SH3D19: variants seen among roughly 807,000 people sequenced by gnomAD.
SH3D19 encodes the protein SH3 domain containing 19.
Under a neutral mutation model 112.1 loss-of-function variants are expected in SH3D19, and 58 were observed. That is an observed-to-expected ratio of 0.52 (90% CI 0.42 to 0.64). The LOEUF (loss-of-function observed/expected upper bound fraction) is 0.64. Among genes scored for constraint, SH3D19 ranks in the 30% least tolerant of loss-of-function variants. SH3D19 has a pLI of 0.00. For missense variants in SH3D19, 1,090 were observed against 1,263.4 expected, an observed-to-expected ratio of 0.86 and a Z score of 2.08; for synonymous variants, 391 against 448.5, an observed-to-expected ratio of 0.87 and a Z score of 1.62.
intron 2 of SH3D19, among the ~76,000 whole-genome samples, chr4:151,207,102 C>T (rs918796644): frequency 1.3e-5 from 2 of 152,292 alleles, no homozygotes; most frequent in Admixed American, 6.5e-5. Context: ...GGTAGGACCA[C>T]GTGGAAACCT....
intron 1 of SH3D19, chr4:151,283,411 G>A (rs1774436306): frequency 2.8e-6 from 2 of 724,668 alleles, no homozygotes; most frequent in South Asian, 3.7e-5. Context: ...TAACTCTTAT[G>A]TTACCCTGGA....
At chr4:151,289,107 A>T (rs1243659545) in intron 1 of SH3D19, among the ~76,000 whole-genome samples, 1 of 152,246 alleles carries the variant, frequency 6.6e-6, no homozygotes, top group East Asian at 1.9e-4. Flanking sequence ...TTATTTTTAA[A>T]CATTGGTATT....
intron 1 of SH3D19, among the ~76,000 whole-genome samples, chr4:151,260,523 T>C (rs936959935): frequency 6.6e-6 from 1 of 152,204 alleles, no homozygotes; most frequent in African/African-American, 2.4e-5. Flanking sequence ...AAAATATACT[T>C]TGACTCTAAC....
At chr4:151,309,708 G>A (rs1363141726) in intron 1 of SH3D19, among the ~76,000 whole-genome samples, 1 of 152,180 alleles carries the variant, frequency 6.6e-6, no homozygotes, top group Non-Finnish European at 1.5e-5. Context: ...GTCAGCCAGA[G>A]GCTGGGCATG....
At chr4:151,212,642 TG>T (rs1440871553) in intron 2 of SH3D19, among the ~76,000 whole-genome samples, 1 of 152,242 alleles carries the variant, frequency 6.6e-6, no homozygotes, top group Non-Finnish European at 1.5e-5. Flanking sequence ...ACAATGCACC[TG>T]GTCACCCAAG....
intron 8 of SH3D19, among the ~76,000 whole-genome samples, chr4:151,161,333 A>T (rs1757112619): frequency 6.6e-6 from 1 of 152,140 alleles, no homozygotes; most frequent in Non-Finnish European, 1.5e-5. Context: ...TTTTCCCTTG[A>T]CCATTCCAAA....
intron 12 of SH3D19, chr4:151,140,173 T>A: frequency 4.9e-6 from 1 of 204,722 alleles, no homozygotes; most frequent in Non-Finnish European, 9.8e-6. Context: ...AAAGTAGTGG[T>A]TTTTGACCTC....
At chr4:151,140,325 C>T (rs1464579610) in intron 12 of SH3D19, 2 of 152,638 alleles carry the variant, frequency 1.3e-5, no homozygotes, top group Non-Finnish European at 2.9e-5. Context: ...TAATGACTTT[C>T]AACAGAAGTA....
intron 1 of SH3D19, among the ~76,000 whole-genome samples, chr4:151,303,325 T>C (rs1269234182): frequency 6.6e-6 from 1 of 152,222 alleles, no homozygotes; most frequent in Non-Finnish European, 1.5e-5. Context: ...CCAACCACCA[T>C]TTTCTTGAAT....
At chr4:151,124,112 A>ATT (rs11385423) in intron 19 of SH3D19, among the ~76,000 whole-genome samples, 88 of 147,814 alleles carry the variant, frequency 6.0e-4, no homozygotes, top group Non-Finnish European at 7.3e-4. Flanking sequence ...GGCTAGGACT[A>ATT]TTTTTTTTTT....
chr4:151,149,421 A>T, intron 10 of SH3D19, 79 bp downstream of exon 10: 1 of 1,174,938 alleles, frequency 8.5e-7, no homozygotes, highest in Middle Eastern at 2.0e-4. Flanking sequence ...CAAGGCCAAC[A>T]ACACTCAATC....
intron 1 of SH3D19, among the ~76,000 whole-genome samples, chr4:151,275,838 TATTATTATTA>T (rs746405984): frequency 4.5e-3 from 295 of 65,042 alleles, no homozygotes; most frequent in African/African-American, 0.011. Context: ...TTATTATTAT[TATTATTATTA>T]TTTTTTTTTT....
chr4:151,139,810 G>C lies in SH3D19; in HGVS notation c.2261C>G (p.Ala754Gly). 6.2e-7 allele frequency: 1 copy of C among 1,614,186 alleles called. No individual in the cohort carries two copies. Among genetic ancestry groups the C allele is most frequent in the South Asian group, 1.1e-5 (1 of 91,064 alleles). Residue 754 changes from alanine (A) to glycine (G), a missense_variant, in exon 13 of 20, where the codon GCT becomes GGT. Coordinates refer to ENST00000604030, the MANE Select transcript of SH3D19 (RefSeq NM_001378122.1). The stretch of plus-strand genomic sequence containing the variant: ...ATCATGAAGAACGACAGCATGAGGA[G>C]CACCACTGTCAACAGGCTTCTGAGC... ...SHAQKPVDSG[A>G]PHAVVLHDFP...
intron 7 of SH3D19, among the ~76,000 whole-genome samples, chr4:151,174,276 A>G (rs1013170487): frequency 6.6e-6 from 1 of 152,188 alleles, no homozygotes; most frequent in Non-Finnish European, 1.5e-5. Flanking sequence ...TACATGTTCC[A>G]TAACCTCCCT....
chr4:151,147,556 G>A (rs773237888), intron 11 of SH3D19, among the ~76,000 whole-genome samples: 5 of 152,200 alleles, frequency 3.3e-5, no homozygotes, highest in Non-Finnish European at 7.4e-5. Context: ...CTGCCTCCCA[G>A]GCTCAAGCAA....
rs750863632 is a variant in SH3D19 at position 151,307,017 on chromosome 4, C to CTT, written c.112+18222_112+18223dup. Among the ~76,000 whole-genome samples the CTT allele has an allele frequency of 2.8e-3, 346 of 122,886 alleles. 3 individuals carry two copies. The highest frequency in any genetic ancestry group is 5.6e-3 in the African/African-American group (181 of 32,180). 80.6% of individuals were successfully genotyped at this position (122,886 alleles called of 152,430 possible). On this transcript the variant is annotated intron_variant, in intron 1 of 19. Coordinates refer to ENST00000604030, the MANE Select transcript of SH3D19 (RefSeq NM_001378122.1). ...CTGCAATCACTCCTAATGATGACTTCTTTTTTTTTTTTTTTTTTTGAGACG... is the reference window on the plus strand; with the variant it reads ...CTGCAATCACTCCTAATGATGACTTCTTTTTTTTTTTTTTTTTTTTTGAGACG...
chr4:151,188,148 A>C (rs1762077374), intron 2 of SH3D19, among the ~76,000 whole-genome samples: 1 of 152,118 alleles, frequency 6.6e-6, no homozygotes, highest in Admixed American at 6.5e-5. Flanking sequence ...TGAGCCAATA[A>C]ATTTCTGTTC....
chr4:151,236,275 G>C (rs576933142), intron 1 of SH3D19, among the ~76,000 whole-genome samples: 3 of 152,280 alleles, frequency 2.0e-5, no homozygotes, highest in Non-Finnish European at 4.4e-5. Flanking sequence ...CGGGGCTTGC[G>C]GGCTGGCGGG....
intron 2 of SH3D19, among the ~76,000 whole-genome samples, chr4:151,224,106 G>A (rs4312738): frequency 0.69 from 105,531 of 151,946 alleles, 41,732 homozygotes; most frequent in Non-Finnish European, 0.89. Context: ...TCAAGAGATC[G>A]AGACCACCCT....
Sources: allele counts gnomAD v4.1 joint callset (sites outside exome capture counted in the v4.1 genomes callset), GRCh38; gene constraint gnomAD v4.1.1; transcripts MANE v1.5; gene names NCBI Gene and HGNC (gene_info 2026-07-23, HGNC 2026-07-21).